PNPT1: variants seen among roughly 807,000 people sequenced by gnomAD.
PNPT1 encodes the protein polyribonucleotide nucleotidyltransferase 1.
A neutral mutation model predicts 119.5 loss-of-function variants in PNPT1; 53 were observed. The observed-to-expected ratio is 0.44, with a 90% CI of 0.36 to 0.56. The LOEUF (loss-of-function observed/expected upper bound fraction) is 0.56, where lower values mean the gene tolerates loss of function less well. PNPT1 is among the 20% of genes least tolerant of loss of function. The pLI, the probability that PNPT1 is intolerant of heterozygous loss-of-function variation, is 0.00. For synonymous variants in PNPT1, 357 were observed against 322.1 expected (o/e 1.11, Z -1.16); for missense variants, 948 against 938.5 (o/e 1.01, Z -0.13).
At chr2:55,679,882 T>C in intron 7 of PNPT1, 87 bp from the exon 8 acceptor site, 1 of 867,280 alleles carries the variant, frequency 1.2e-6, no homozygotes, top group Non-Finnish European at 1.8e-6. Context: ...AACCCCATCT[T>C]TGATTGTGAC....
At chr2:55,661,873 A>G in intron 14 of PNPT1, 83 bp downstream of exon 14, 1 of 1,249,908 alleles carries the variant, frequency 8.0e-7, no homozygotes, top group Admixed American at 3.7e-5. Context: ...AAAAGTAACA[A>G]TAATTAATAA....
chr2:55,681,640 T>G (rs2104160435), intron 5 of PNPT1, among the ~76,000 whole-genome samples: 1 of 145,478 alleles, frequency 6.9e-6, no homozygotes, highest in South Asian at 2.2e-4. Flanking sequence ...AGGTCGGGAG[T>G]TCAAGACCAG....
rs1695660547 is a variant in PNPT1, at chr2:55,636,061, T to C, written c.*176A>G. 2.7e-6 allele frequency: 1 copy of C among 375,870 alleles called. No homozygotes were observed. Among genetic ancestry groups the C allele is most frequent in the Non-Finnish European group, 4.6e-6 (1 of 216,742 alleles). 23.3% of individuals were successfully genotyped at this position (375,870 alleles called of 1,614,324 possible). A position where few individuals can be genotyped will look rare whatever the true frequency, so the allele number is the denominator to read the frequency against. Reference sequence around the variant, plus strand: ...TATAATGTAAATACAATTAAACAAATATGGGTTACTCGAATTAAAAAAATG... The same window carrying C: ...TATAATGTAAATACAATTAAACAAACATGGGTTACTCGAATTAAAAAAATG... On this transcript the variant is annotated 3_prime_UTR_variant, in exon 28 of 28. Transcript: ENST00000447944.
intron 26 of PNPT1, among the ~76,000 whole-genome samples, chr2:55,639,014 G>A (rs1695760774): frequency 1.3e-5 from 2 of 152,092 alleles, no homozygotes; most frequent in Non-Finnish European, 2.9e-5. Flanking sequence ...GACCTAAAGT[G>A]ATCCGTCCAC....
Position 55,686,649 on chromosome 2 carries a change from T to C in PNPT1, c.223-205A>G, listed in dbSNP as rs548993917. On this transcript the variant is annotated intron_variant, in intron 2 of 27. Coordinates refer to ENST00000447944, the MANE Select transcript of PNPT1 (RefSeq NM_033109.5). Reference sequence around the variant, plus strand: ...GCTATGGAATCAAAATAAGGAAAGATTAACAGGTAATTTAGTCATATTCAA... The same window carrying C: ...GCTATGGAATCAAAATAAGGAAAGACTAACAGGTAATTTAGTCATATTCAA... Among the ~76,000 whole-genome samples, 25 of 152,356 alleles carry C rather than the reference T, an allele frequency of 1.6e-4. No individual in the cohort carries two copies. The East Asian group carries it at 4.8e-3, about 29-fold the overall frequency.
At chr2:55,644,408 T>C (rs1170561520) in intron 23 of PNPT1, among the ~76,000 whole-genome samples, 1 of 152,200 alleles carries the variant, frequency 6.6e-6, no homozygotes, top group Non-Finnish European at 1.5e-5. Context: ...AAAAAAGTCC[T>C]GATGAATTCT....
chr2:55,645,930 C>T lies in PNPT1; in HGVS notation c.1738+329G>A, dbSNP rs376830693. Among the ~76,000 whole-genome samples, 13 of 152,142 alleles carry T rather than the reference C, an allele frequency of 8.5e-5. 2 individuals are homozygous for T. Among genetic ancestry groups the T allele is most frequent in the Admixed American group, 6.5e-5 (1 of 15,278 alleles). ...GTAACCTCTGCCTCCTGGGCTCAAG[C>T]GATTCTCTTGTCTCAGCCTCCTGAG... On this transcript the variant is annotated intron_variant, in intron 21 of 27. Transcript: ENST00000447944.
chr2:55,667,669 T>C (rs1163932206), intron 12 of PNPT1, among the ~76,000 whole-genome samples, 193 bp downstream of exon 12: 2 of 152,138 alleles, frequency 1.3e-5, no homozygotes, highest in East Asian at 1.9e-4. Context: ...CACCGCTTTA[T>C]ACACCAGGCC....
chr2:55,685,326 A>G (rs1230347120), intron 3 of PNPT1, among the ~76,000 whole-genome samples: 2 of 152,182 alleles, frequency 1.3e-5, no homozygotes, highest in African/African-American at 2.4e-5. Flanking sequence ...AGGGTTTTAG[A>G]ACTGCCTGGG....
At chr2:55,664,130 CTT>C (rs1696663107) in intron 13 of PNPT1, among the ~76,000 whole-genome samples, 1 of 152,128 alleles carries the variant, frequency 6.6e-6, no homozygotes, top group African/African-American at 2.4e-5. Context: ...AAAAGCCTAT[CTT>C]TTTCTTATTA....
Position 55,672,042 on chromosome 2 carries a change from CAAG to C in PNPT1, c.868_870del (p.Leu290del). On this transcript the variant is annotated inframe_deletion and splice_region_variant, in exon 10 of 28. Transcript: ENST00000447944. ...AAAACTGCATAGAGTCTCTCCATAG[CAAG>C]TCTATTTAAGCAGAAAATAAATGTT... 6.3e-7 allele frequency: 1 copy of C among 1,594,416 alleles called. No homozygotes were observed. The highest frequency in any genetic ancestry group is 8.5e-7 in the Non-Finnish European group (1 of 1,170,542).
At chr2:55,642,653 A>G (rs907721089) in intron 25 of PNPT1, among the ~76,000 whole-genome samples, 1 of 151,392 alleles carries the variant, frequency 6.6e-6, no homozygotes, top group Non-Finnish European at 1.5e-5. Context: ...AGAACCTATC[A>G]TAATTAGAAC....
rs143647681 is a variant in PNPT1, at chr2:55,667,040, A to G, written c.1127T>C (p.Met376Thr). ...TGCTGATCCATGAAGGGTTTTAAACATATCTACCTCACAACTTACATTCCT... is the reference window on the plus strand; with the variant it reads ...TGCTGATCCATGAAGGGTTTTAAACGTATCTACCTCACAACTTACATTCCT... ...SLRNVSCEVDMFKTLHGSALF... is the reference protein window; with the variant it reads ...SLRNVSCEVDTFKTLHGSALF... Residue 376 changes from methionine to threonine, a missense_variant, in exon 13 of 28, where the codon ATG (methionine) becomes ACG (threonine). By Grantham distance (81) the Met-to-Thr change is moderately conservative (BLOSUM62 -1). Coordinates refer to ENST00000447944, the MANE Select transcript of PNPT1 (RefSeq NM_033109.5). 1.9e-5 allele frequency: 31 copies of G among 1,610,972 alleles called. No homozygotes were observed. Among genetic ancestry groups the G allele is most frequent in the East Asian group, 2.2e-5 (1 of 44,792 alleles).
In PNPT1 at chr2:55,672,110, T is replaced by C. The variant is rs192351645; in HGVS notation, c.867-64A>G. 13 of 1,206,564 alleles carry C rather than the reference T, an allele frequency of 1.1e-5. No individual in the cohort carries two copies. The African/African-American group carries it at 1.1e-4, about 10-fold the overall frequency. The allele number at this position is 1,206,564 out of a possible 1,614,324, so 74.7% of individuals were successfully genotyped here. A position where few individuals can be genotyped will look rare whatever the true frequency, so the allele number is the denominator to read the frequency against. On this transcript the variant is annotated intron_variant, in intron 9 of 27. Transcript: ENST00000447944. ...TGGAAACAAGAGGCAGTTTCTATTATAAACAAAACTGAAATATTTAATAAT... is the reference window on the plus strand; with the variant it reads ...TGGAAACAAGAGGCAGTTTCTATTACAAACAAAACTGAAATATTTAATAAT...
At chr2:55,650,432 C>T (rs760482899) in intron 18 of PNPT1, among the ~76,000 whole-genome samples, 16 of 152,332 alleles carry the variant, frequency 1.1e-4, no homozygotes, top group Non-Finnish European at 2.2e-4. Context: ...GACGGAGTCT[C>T]GTTCACTCCA....
At chr2:55,691,876 A>ATTT (rs1475795171) in intron 1 of PNPT1, among the ~76,000 whole-genome samples, 35 of 18,530 alleles carry the variant, frequency 1.9e-3, no homozygotes, top group East Asian at 5.1e-3. Flanking sequence ...ATATATATAT[A>ATTT]TATTTTTTTT....
At chr2:55,674,005 G>C (rs751493666) in intron 8 of PNPT1, among the ~76,000 whole-genome samples, 20 of 152,126 alleles carry the variant, frequency 1.3e-4, no homozygotes, top group Non-Finnish European at 2.9e-4. Context: ...TTACAGGCGT[G>C]AGCCACCGCT....
Position 55,645,376 on chromosome 2 carries a change from A to T in PNPT1, c.1795T>A (p.Ser599Thr), listed in dbSNP as rs147375807. The T allele has an allele frequency of 6.7e-5, 108 of 1,612,324 alleles. No homozygotes were observed. In the African/African-American group the frequency reaches 9.2e-4, roughly 14 times the overall value. ...ACAACAGGTCCATTTTCTTTTCTAG[A>T]TGCTCGAGGTTTTGAAATAGTTTTG... ...MNKTISKPRA[S>T]RKENGPVVET... Residue 599 changes from serine to threonine, a missense_variant, in exon 22 of 28, where the codon TCT becomes ACT. Coordinates refer to ENST00000447944, the MANE Select transcript of PNPT1 (RefSeq NM_033109.5).
intron 2 of PNPT1, among the ~76,000 whole-genome samples, 175 bp downstream of exon 2, chr2:55,687,470 G>C (rs1697448712): frequency 6.6e-6 from 1 of 151,928 alleles, no homozygotes; most frequent in Non-Finnish European, 1.5e-5. Context: ...AATACATGCA[G>C]TGCTCTGGAC....
Sources: allele counts gnomAD v4.1 joint callset (sites outside exome capture counted in the v4.1 genomes callset), GRCh38; gene constraint gnomAD v4.1.1; transcripts MANE v1.5; gene names NCBI Gene and HGNC (gene_info 2026-07-23, HGNC 2026-07-21).